The following ATP8B1 variants were observed in gnomAD, a reference collection of about 807,000 sequenced individuals.
The protein encoded by ATP8B1 is phospholipid-transporting ATPase IC.
Under a neutral mutation model 149.9 loss-of-function variants are expected in ATP8B1, and 80 were observed. The ratio of observed to expected loss-of-function variants is 0.53; its 90% CI spans 0.45 to 0.64. The LOEUF (loss-of-function observed/expected upper bound fraction) is 0.64. Among genes scored for constraint, ATP8B1 ranks in the 30% least tolerant of loss-of-function variants. The probability of loss-of-function intolerance (pLI) is 0.00; values close to 1 mark genes in which losing one functional copy is unlikely to be tolerated. For missense variants in ATP8B1, 1,247 were observed against 1,552.6 expected (o/e 0.80, Z 3.31); for synonymous variants, 536 against 562.8 (o/e 0.95, Z 0.67).
chr18:57,800,222 C>G (rs1022321346), intron 1 of ATP8B1, among the ~76,000 whole-genome samples: 1 of 152,164 alleles, frequency 6.6e-6, no homozygotes, highest in African/African-American at 2.4e-5. Context: ...GGGCCAGGCA[C>G]AGTGGCTCAC....
chr18:57,765,953 C>A (rs543552182), intron 1 of ATP8B1, among the ~76,000 whole-genome samples: 14 of 144,494 alleles, frequency 9.7e-5, no homozygotes, highest in Non-Finnish European at 1.7e-4. Flanking sequence ...GCTGGGGCAA[C>A]AAAGCAAGAC....
intron 1 of ATP8B1, among the ~76,000 whole-genome samples, chr18:57,785,771 G>C (rs2080401801): frequency 6.6e-6 from 1 of 152,184 alleles, no homozygotes; most frequent in Non-Finnish European, 1.5e-5. Flanking sequence ...CTCCCAAAGT[G>C]TTGGGATTAC....
chr18:57,752,984 C>G (rs567128921), intron 1 of ATP8B1, among the ~76,000 whole-genome samples: 5 of 152,152 alleles, frequency 3.3e-5, no homozygotes, highest in Non-Finnish European at 7.3e-5. Context: ...AATCCTGCAT[C>G]CTTTCTCCTC....
chr18:57,649,800 G>A (rs1909484240), intron 27 of ATP8B1, among the ~76,000 whole-genome samples: 2 of 152,162 alleles, frequency 1.3e-5, no homozygotes, highest in Admixed American at 6.5e-5. Flanking sequence ...GATAGGTCAG[G>A]AAGTGATACC....
intron 1 of ATP8B1, among the ~76,000 whole-genome samples, chr18:57,773,756 G>T (rs891461929): frequency 2.6e-5 from 4 of 152,080 alleles, no homozygotes; most frequent in Admixed American, 2.6e-4. Context: ...GAGTCATGCT[G>T]GAGTCTCATC....
intron 19 of ATP8B1, chr18:57,667,597 T>C (rs1420744268): frequency 5.0e-6 from 1 of 201,344 alleles, no homozygotes; most frequent in African/African-American, 2.3e-5. Context: ...ATAAAACAAG[T>C]GAAAGTCAAA....
chr18:57,795,095 T>C (rs1261456770), intron 1 of ATP8B1, among the ~76,000 whole-genome samples: 1 of 152,176 alleles, frequency 6.6e-6, no homozygotes, highest in East Asian at 1.9e-4. Context: ...CATGGCAGCA[T>C]TAGTCACAAT....
At chr18:57,648,931 T>G (rs1909404473) in intron 27 of ATP8B1, among the ~76,000 whole-genome samples, 1 of 151,838 alleles carries the variant, frequency 6.6e-6, no homozygotes, top group African/African-American at 2.4e-5. Flanking sequence ...ACAGTCTCGC[T>G]CTGTCACCCA....
intron 1 of ATP8B1, among the ~76,000 whole-genome samples, chr18:57,779,122 A>G (rs2080336039): frequency 6.6e-6 from 1 of 152,128 alleles, no homozygotes; most frequent in Admixed American, 6.5e-5. Context: ...CAGGAGTTCG[A>G]GACCAGCCCA....
At chr18:57,670,519 T>G (rs1911161707) in intron 17 of ATP8B1, among the ~76,000 whole-genome samples, 1 of 151,440 alleles carries the variant, frequency 6.6e-6, no homozygotes, top group Non-Finnish European at 1.5e-5. Context: ...ATCTGGCTAA[T>G]CTTTGTATTT....
At chr18:57,706,641 A>G (rs1048684025) in intron 2 of ATP8B1, 54 bp from the exon 3 acceptor site, 1 of 1,389,786 alleles carries the variant, frequency 7.2e-7, no homozygotes. Flanking sequence ...TGTTGTTATG[A>G]GTTGAATTGT....
intron 11 of ATP8B1, among the ~76,000 whole-genome samples, chr18:57,692,514 C>T (rs2122875826): frequency 7.2e-6 from 1 of 139,258 alleles, no homozygotes; most frequent in African/African-American, 2.7e-5. Context: ...TGGCTCACTA[C>T]AACCTCCACC....
chr18:57,726,828 C>T (rs2079713308), intron 2 of ATP8B1, among the ~76,000 whole-genome samples: 1 of 152,196 alleles, frequency 6.6e-6, no homozygotes, highest in African/African-American at 2.4e-5. Context: ...GCCTGTAATC[C>T]CAGCACTTTG....
chr18:57,767,220 A>T lies in ATP8B1; in HGVS notation c.-25-35388T>A, dbSNP rs115801076. Among the ~76,000 whole-genome samples, 1,189 of 152,312 alleles carry T rather than the reference A, an allele frequency of 7.8e-3. 18 individuals carry two copies. The highest frequency in any genetic ancestry group is 0.026 in the African/African-American group (1,098 of 41,564). On this transcript the variant is annotated intron_variant, in intron 1 of 27. Transcript: ENST00000648908. The stretch of plus-strand genomic sequence containing the variant: ...GCTCATCAGCTCCGGGAGAAGGCAT[A>T]GGTCCAGTAGAGTCGCAGACTAAGC...
chr18:57,750,175 G>A (rs2080002683), intron 1 of ATP8B1, among the ~76,000 whole-genome samples: 1 of 152,176 alleles, frequency 6.6e-6, no homozygotes. Context: ...CCTGGGAGGT[G>A]GAGGTTGCAG....
intron 1 of ATP8B1, among the ~76,000 whole-genome samples, chr18:57,764,722 C>T (rs1274088896): frequency 1.5e-5 from 2 of 131,688 alleles, no homozygotes; most frequent in Non-Finnish European, 3.1e-5. Flanking sequence ...CCCAGCCTGA[C>T]ACTATTCTTG....
chr18:57,756,582 G>A (rs898907149), intron 1 of ATP8B1, among the ~76,000 whole-genome samples: 2 of 152,034 alleles, frequency 1.3e-5, no homozygotes, highest in Admixed American at 1.3e-4. Flanking sequence ...ACAGGCGTGA[G>A]CCACTGTGCC....
chr18:57,673,519 T>A (rs1235257639), intron 16 of ATP8B1, among the ~76,000 whole-genome samples: 1 of 151,574 alleles, frequency 6.6e-6, no homozygotes, highest in Non-Finnish European at 1.5e-5. Context: ...TTTTTTATAT[T>A]TTTATTTTCT....
At chr18:57,703,325 T>C (rs1324076338) in intron 4 of ATP8B1, among the ~76,000 whole-genome samples, 1 of 152,032 alleles carries the variant, frequency 6.6e-6, no homozygotes, top group African/African-American at 2.4e-5. Context: ...ATCCCAGCAC[T>C]TGGGGAGGCT....
Sources: gnomAD v4.1 joint callset for allele counts (sites outside exome capture counted in the v4.1 genomes callset) on GRCh38, gnomAD v4.1.1 for gene constraint, MANE v1.5 for transcripts, NCBI Gene and HGNC (gene_info 2026-07-23, HGNC 2026-07-21) for gene names.